The following CHD8 variants were observed in gnomAD, a reference collection of about 807,000 sequenced individuals.
CHD8 encodes ATP-dependent chromatin remodeler CHD8.
CHD8 carries 31 observed loss-of-function variants against 279.2 expected under a neutral mutation model. The ratio of observed to expected loss-of-function variants is 0.11; its 90% CI spans 0.08 to 0.15. The LOEUF is 0.15. Among genes scored for constraint, CHD8 ranks in the 10% least tolerant of loss-of-function variants. CHD8 has a pLI of 1.00. For synonymous variants in CHD8, 1,081 were observed against 1,139.6 expected (o/e 0.95, Z 1.04); for missense variants, 2,146 against 3,230.5 (o/e 0.66, Z 8.14).
intron 5 of CHD8, among the ~76,000 whole-genome samples, chr14:21,418,310 G>A (rs990486510): frequency 6.6e-6 from 1 of 151,806 alleles, no homozygotes; most frequent in Admixed American, 6.6e-5. Flanking sequence ...TTGAGGTCAG[G>A]AGTTCAAGAC....
rs1359346318 is a variant in CHD8, at chr14:21,427,891, T to G, written c.1579A>C (p.Thr527Pro). ...KKSKTSGASKTKGKSKLNTIT... is the reference protein window; with the variant it reads ...KKSKTSGASKPKGKSKLNTIT... ...CACTTGAGCTTGCTCTTGCCCTTTG[T>G]TTTGGAGGCACCAGATGTTTTACTC... Residue 527 changes from threonine to proline, a missense_variant, in exon 4 of 38, where the codon ACA becomes CCA. Thr to Pro is a conservative substitution (Grantham distance 38). Transcript: ENST00000646647. 5 of 1,614,026 alleles carry G rather than the reference T, an allele frequency of 3.1e-6. No homozygotes were observed. The South Asian group carries it at 5.5e-5, about 18-fold the overall frequency.
intron 11 of CHD8, among the ~76,000 whole-genome samples, 171 bp downstream of exon 11, chr14:21,409,680 G>A (rs1888395512): frequency 6.6e-6 from 1 of 152,120 alleles, no homozygotes; most frequent in South Asian, 2.1e-4. Context: ...CACAAGACTG[G>A]ATATGTACTG....
rs1296768543 is a variant in CHD8 at position 21,385,518 on chromosome 14, A to G, written c.*95T>C. On this transcript the variant is annotated 3_prime_UTR_variant, in exon 38 of 38. Transcript: ENST00000646647. Reference sequence around the variant, plus strand: ...ACCTCCTGGAGTCCTGGACTTCCCCACATCTCCCCTGCCCCTCCCACGTTT... The same window carrying G: ...ACCTCCTGGAGTCCTGGACTTCCCCGCATCTCCCCTGCCCCTCCCACGTTT... 2.1e-6 allele frequency: 3 copies of G among 1,402,022 alleles called. No individual in the cohort carries two copies. The highest frequency in any genetic ancestry group is 1.9e-6 in the Non-Finnish European group (2 of 1,080,536). 86.8% of individuals were successfully genotyped at this position (1,402,022 alleles called of 1,614,324 possible).
rs898453188 is a variant in CHD8 at position 21,424,071 on chromosome 14, A to G, written c.1716+2057T>C. On this transcript the variant is annotated intron_variant, in intron 5 of 37. Transcript: ENST00000646647. ...CAATATTTTCCTTCATGACTTCTGA[A>G]TTTTAATACCGTCTTTACAAAGATT... Among the ~76,000 whole-genome samples, 3 of 152,324 alleles carry G rather than the reference A, an allele frequency of 2.0e-5. No homozygotes were observed. The South Asian group carries it at 6.2e-4, about 32-fold the overall frequency.
At chr14:21,388,657 A>G (rs1171403189) in intron 37 of CHD8, among the ~76,000 whole-genome samples, 2 of 151,886 alleles carry the variant, frequency 1.3e-5, no homozygotes, top group Non-Finnish European at 2.9e-5. Flanking sequence ...ACGCCCAGCT[A>G]ATTTTTTGTA....
intron 1 of CHD8, among the ~76,000 whole-genome samples, chr14:21,444,504 G>C (rs1454212599): frequency 6.6e-6 from 1 of 152,062 alleles, no homozygotes; most frequent in Non-Finnish European, 1.5e-5. Context: ...AAATGGCTTT[G>C]GTCAGCCTAA....
At position 21,399,578 on chromosome 14, in the gene CHD8, A is replaced by G. The variant is rs557678144; in HGVS notation, c.4921+24T>C. On this transcript the variant is annotated intron_variant, in intron 26 of 37. Transcript: ENST00000646647. ...GAACATAAATCTTCAGTCGGAAAGG[A>G]GTAGAATAGGAGAAGATACGTACCA... The G allele has an allele frequency of 1.1e-5, 17 of 1,503,954 alleles. No homozygotes were observed. In the South Asian group the frequency reaches 1.8e-4, roughly 16 times the overall value. 93.2% of individuals were successfully genotyped at this position (1,503,954 alleles called of 1,614,324 possible). A position where few individuals can be genotyped will look rare whatever the true frequency, so the allele number is the denominator to read the frequency against.
Position 21,427,850 on chromosome 14 carries a change from A to C in CHD8, c.1601+19T>G. On this transcript the variant is annotated intron_variant, in intron 4 of 37. Coordinates refer to ENST00000646647, the MANE Select transcript of CHD8 (RefSeq NM_001170629.2). Reference sequence around the variant, plus strand: ...AGCTTACTCTTGCACGTCCCATCACAGTAGCAAGGAGTACTCACTTGAGCT... The same window carrying C: ...AGCTTACTCTTGCACGTCCCATCACCGTAGCAAGGAGTACTCACTTGAGCT... 1.2e-6 allele frequency: 2 copies of C among 1,610,914 alleles called. No homozygotes were observed. The highest frequency in any genetic ancestry group is 1.7e-6 in the Non-Finnish European group (2 of 1,178,250).
In CHD8 at chr14:21,408,559, C is replaced by CAG. The variant is rs1178056150; in HGVS notation, c.2487-6_2487-5dup. The CAG allele has an allele frequency of 8.7e-6, 14 of 1,606,866 alleles. No individual in the cohort carries two copies. Among genetic ancestry groups the CAG allele is most frequent in the African/African-American group, 4.1e-5 (3 of 73,646 alleles). ...ATCAGCCAGGATGCAGTTCTGCCTG[C>CAG]AGATTCACCATGGGAAAAAAAAAAT... On this transcript the variant is annotated splice_region_variant and splice_polypyrimidine_tract_variant and intron_variant, in intron 12 of 37. Coordinates refer to ENST00000646647, the MANE Select transcript of CHD8 (RefSeq NM_001170629.2). The surrounding 1 kb of genome is among the most constrained non-coding windows in gnomAD (Gnocchi z 4.3).
Position 21,423,616 on chromosome 14 carries a change from A to G in CHD8, c.1716+2512T>C, listed in dbSNP as rs139362097. ...CAGTAGCATGATCACAGCTCACTGC[A>G]GCCTCAACTTCCTGGGCTCAAGAGA... On this transcript the variant is annotated intron_variant, in intron 5 of 37. Coordinates refer to ENST00000646647, the MANE Select transcript of CHD8 (RefSeq NM_001170629.2). 3.6e-3 allele frequency among the ~76,000 whole-genome samples: 549 copies of G among 152,168 alleles called. 4 individuals carry two copies. Among genetic ancestry groups the G allele is most frequent in the African/African-American group, 0.013 (532 of 41,532 alleles).
chr14:21,452,585 A>C (rs956629540), intron 1 of CHD8, among the ~76,000 whole-genome samples: 2 of 152,106 alleles, frequency 1.3e-5, no homozygotes, highest in African/African-American at 4.8e-5. Flanking sequence ...TGGAGGTTGC[A>C]GTAAGCCGAG....
Position 21,406,788 on chromosome 14 carries a change from A to G in CHD8, c.2907+68T>C, listed in dbSNP as rs1049772230. The G allele has an allele frequency of 1.2e-5, 16 of 1,386,178 alleles. No individual in the cohort carries two copies. The South Asian group carries it at 2.1e-4, about 18-fold the overall frequency. The allele number at this position is 1,386,178 out of a possible 1,614,324, so 85.9% of individuals were successfully genotyped here. On this transcript the variant is annotated intron_variant, in intron 14 of 37. Transcript: ENST00000646647. Reference sequence around the variant, plus strand: ...TTTTCTTCTCTGCTAAACTAGGGTTATTTTAATACCGCAAGGAATTACGGT... The same window carrying G: ...TTTTCTTCTCTGCTAAACTAGGGTTGTTTTAATACCGCAAGGAATTACGGT...
At chr14:21,452,504 G>C (rs1039728952) in intron 1 of CHD8, among the ~76,000 whole-genome samples, 5 of 151,482 alleles carry the variant, frequency 3.3e-5, no homozygotes, top group African/African-American at 1.2e-4. Flanking sequence ...AATTAGCCAG[G>C]CGTGGTGGCA....
intron 2 of CHD8, chr14:21,430,588 T>C (rs377638417): frequency 1.9e-6 from 1 of 539,634 alleles, no homozygotes. Flanking sequence ...CTAGGTACAA[T>C]GTAAATGTGT....
chr14:21,394,244 A>G (rs1429968881), intron 31 of CHD8, 33 bp downstream of exon 31: 6 of 1,612,868 alleles, frequency 3.7e-6, no homozygotes, highest in Middle Eastern at 1.6e-4. Flanking sequence ...TTCTGTTGGC[A>G]TCCATCCTCA....
At position 21,413,346 on chromosome 14, in the gene CHD8, T is replaced by C. The variant is rs76443324; in HGVS notation, c.2143-350A>G. On this transcript the variant is annotated intron_variant, in intron 9 of 37. Coordinates refer to ENST00000646647, the MANE Select transcript of CHD8 (RefSeq NM_001170629.2). Reference sequence around the variant, plus strand: ...CACATTTTAAAATAAGACCTCTTTTTATTCTACAACTCCCGCAACTATTTT... The same window carrying C: ...CACATTTTAAAATAAGACCTCTTTTCATTCTACAACTCCCGCAACTATTTT... Among the ~76,000 whole-genome samples the C allele has an allele frequency of 5.0e-3, 760 of 152,316 alleles. 9 individuals carry two copies. Among genetic ancestry groups the C allele is most frequent in the African/African-American group, 0.018 (740 of 41,570 alleles).
chr14:21,427,514 T>C (rs1293632750), intron 4 of CHD8: 1 of 1,123,834 alleles, frequency 8.9e-7, no homozygotes, highest in East Asian at 5.3e-5. Flanking sequence ...CACTCGAGCT[T>C]ACTCTTGCAC....
chr14:21,411,287 C>T (rs1201382646), intron 10 of CHD8, among the ~76,000 whole-genome samples: 2 of 152,160 alleles, frequency 1.3e-5, no homozygotes, highest in African/African-American at 4.8e-5. Context: ...ACAATACTAC[C>T]ACCCCAACTT....
At chr14:21,443,563 A>G (rs1375138424) in intron 1 of CHD8, among the ~76,000 whole-genome samples, 1 of 151,180 alleles carries the variant, frequency 6.6e-6, no homozygotes, top group Non-Finnish European at 1.5e-5. Flanking sequence ...CAACCATATA[A>G]GAATTTTAGG....
Sources: allele counts gnomAD v4.1 joint callset (sites outside exome capture counted in the v4.1 genomes callset), GRCh38; gene constraint gnomAD v4.1.1; non-coding constraint Gnocchi (gnomAD v3.1); transcripts MANE v1.5; gene names NCBI Gene and HGNC (gene_info 2026-07-23, HGNC 2026-07-21).